TECPR2: variants seen among roughly 807,000 people sequenced by gnomAD.
The protein encoded by TECPR2 is tectonin beta-propeller repeat-containing protein 2.
A neutral mutation model predicts 138.1 loss-of-function variants in TECPR2; 65 were observed. The ratio of observed to expected loss-of-function variants is 0.47; its 90% CI spans 0.39 to 0.58. The LOEUF (loss-of-function observed/expected upper bound fraction) is 0.58. TECPR2 is among the 20% of genes least tolerant of loss of function. TECPR2 has a pLI of 0.00. For synonymous variants in TECPR2, 746 were observed against 749.8 expected (o/e 0.99, Z 0.08); for missense variants, 1,553 against 1,824.5 (o/e 0.85, Z 2.71).
intron 1 of TECPR2, among the ~76,000 whole-genome samples, chr14:102,369,482 G>A (rs116118695): frequency 0.01 from 1,581 of 152,148 alleles, 29 homozygotes; most frequent in African/African-American, 0.036. Flanking sequence ...TCGAACTCCC[G>A]GGCTCAATGG....
At chr14:102,438,241 C>G (rs1889732646) in intron 10 of TECPR2, 36 bp downstream of exon 10, 1 of 1,576,960 alleles carries the variant, frequency 6.3e-7, no homozygotes, top group South Asian at 1.1e-5. Flanking sequence ...GCTCCCTGCT[C>G]CCGCTCGCCG....
intron 5 of TECPR2, among the ~76,000 whole-genome samples, chr14:102,418,268 C>A (rs1407586322): frequency 6.6e-6 from 1 of 152,216 alleles, no homozygotes; most frequent in African/African-American, 2.4e-5. Context: ...CAAGCCTCTG[C>A]CCTGCTCCAG....
At chr14:102,429,991 G>C (rs1033965436) in intron 7 of TECPR2, among the ~76,000 whole-genome samples, 1 of 152,016 alleles carries the variant, frequency 6.6e-6, no homozygotes, top group Non-Finnish European at 1.5e-5. Flanking sequence ...TTTTGAGACA[G>C]AGTCTTGCTC....
chr14:102,398,982 G>A lies in TECPR2; in HGVS notation c.220-8356G>A, dbSNP rs544217229. Among the ~76,000 whole-genome samples the A allele has an allele frequency of 4.6e-5, 7 of 152,296 alleles. No individual in the cohort carries two copies. The East Asian group carries it at 7.7e-4, about 17-fold the overall frequency. On this transcript the variant is annotated intron_variant, in intron 2 of 19. Coordinates refer to ENST00000359520, the MANE Select transcript of TECPR2 (RefSeq NM_014844.5). ...ATTTCTCATCAAAAACTTTGGAGGG[G>A]TCAGGTGCAGTGGCTCACATCCATA...
intron 14 of TECPR2, 21 bp from the exon 15 acceptor site, chr14:102,450,539 C>A: frequency 6.2e-7 from 1 of 1,612,460 alleles, no homozygotes; most frequent in Non-Finnish European, 8.5e-7. Flanking sequence ...TTAACACATT[C>A]TTCCTATTTA....
intron 5 of TECPR2, among the ~76,000 whole-genome samples, chr14:102,418,733 C>T (rs1231860751): frequency 6.6e-6 from 1 of 152,138 alleles, no homozygotes; most frequent in African/African-American, 2.4e-5. Context: ...GGCAGCTCAG[C>T]AGGGCCAGCA....
At chr14:102,472,971 T>C (rs1431830492) in intron 17 of TECPR2, among the ~76,000 whole-genome samples, 1 of 152,268 alleles carries the variant, frequency 6.6e-6, no homozygotes, top group African/African-American at 2.4e-5. Flanking sequence ...GGCGCTCGCC[T>C]TGTGCCAGGC....
At chr14:102,385,174 G>A (rs897851437) in intron 2 of TECPR2, among the ~76,000 whole-genome samples, 31 of 151,884 alleles carry the variant, frequency 2.0e-4, no homozygotes, top group African/African-American at 6.3e-4. Context: ...TTTTAGTATG[G>A]AGTGCTTCAC....
chr14:102,406,166 C>T (rs1276443789), intron 2 of TECPR2, among the ~76,000 whole-genome samples: 1 of 152,126 alleles, frequency 6.6e-6, no homozygotes, highest in East Asian at 1.9e-4. Context: ...GATTGAAGAG[C>T]ATTATGAATG....
intron 4 of TECPR2, 28 bp downstream of exon 4, chr14:102,408,647 G>T (rs746521491): frequency 2.0e-5 from 32 of 1,571,198 alleles, no homozygotes; most frequent in Non-Finnish European, 2.6e-5. Context: ...AATACTGTTG[G>T]CTCTTACCTT....
At chr14:102,394,466 G>A (rs1427644383) in intron 2 of TECPR2, among the ~76,000 whole-genome samples, 1 of 152,126 alleles carries the variant, frequency 6.6e-6, no homozygotes, top group Non-Finnish European at 1.5e-5. Flanking sequence ...GCTGGGTGTG[G>A]TGGCACACAC....
At chr14:102,398,098 AGAAAG>A (rs1424063811) in intron 2 of TECPR2, among the ~76,000 whole-genome samples, 7 of 140,884 alleles carry the variant, frequency 5.0e-5, no homozygotes, top group Admixed American at 2.8e-4. Context: ...AAAAGAAAAA[AGAAAG>A]AAAAGAAAAA....
At position 102,408,508 on chromosome 14, in the gene TECPR2, T is replaced by C; in HGVS notation, c.369T>C (p.Thr123=). Residue 123 remains threonine, a synonymous_variant, in exon 4 of 20, where the codon ACT becomes ACC. Coordinates refer to ENST00000359520, the MANE Select transcript of TECPR2 (RefSeq NM_014844.5). ...RNKQLRRFDV[T]GIHKNSITAL... is the part of the protein sequence containing the mutation. ...CATAGCTTCGGAGATTTGATGTCACTGGTATTCACAAAAATAGCATTACAG... is the reference window on the plus strand; with the variant it reads ...CATAGCTTCGGAGATTTGATGTCACCGGTATTCACAAAAATAGCATTACAG... 15 of 1,608,664 alleles carry C rather than the reference T, an allele frequency of 9.3e-6. No homozygotes were observed. The highest frequency in any genetic ancestry group is 1.3e-5 in the Non-Finnish European group (15 of 1,178,690).
intron 2 of TECPR2, among the ~76,000 whole-genome samples, chr14:102,403,397 A>G (rs1255460488): frequency 6.6e-6 from 1 of 152,240 alleles, no homozygotes; most frequent in Non-Finnish European, 1.5e-5. Context: ...TAAAAGCCAT[A>G]TATGAAAAAC....
intron 2 of TECPR2, among the ~76,000 whole-genome samples, chr14:102,405,696 A>G (rs1888639885): frequency 6.6e-6 from 1 of 152,220 alleles, no homozygotes; most frequent in South Asian, 2.1e-4. Context: ...AGATAATTGA[A>G]AGCAGTATCT....
In TECPR2 at chr14:102,441,456, C is replaced by G. The variant is rs897447233; in HGVS notation, c.2752+847C>G. Among the ~76,000 whole-genome samples the G allele has an allele frequency of 2.7e-5, 4 of 149,930 alleles. No individual in the cohort carries two copies. The East Asian group carries it at 8.1e-4, about 30-fold the overall frequency. ...CTTTGGGAGGCCTAGACGAGCAGATCACCTGAGGTCAGGAGTTCAAGACCA... is the reference window on the plus strand; with the variant it reads ...CTTTGGGAGGCCTAGACGAGCAGATGACCTGAGGTCAGGAGTTCAAGACCA... On this transcript the variant is annotated intron_variant, in intron 11 of 19. Transcript: ENST00000359520.
intron 6 of TECPR2, 113 bp from the exon 7 acceptor site, chr14:102,428,137 T>G: frequency 7.6e-7 from 1 of 1,308,952 alleles, no homozygotes; most frequent in Non-Finnish European, 1.0e-6. Flanking sequence ...CATAGTAAAG[T>G]GCAGTTATCA....
chr14:102,455,823 G>C (rs955624142), intron 16 of TECPR2, among the ~76,000 whole-genome samples: 33 of 152,318 alleles, frequency 2.2e-4, no homozygotes, highest in Non-Finnish European at 4.4e-4. Context: ...ATGTTGGCCA[G>C]TCTGGTCCTG....
intron 5 of TECPR2, among the ~76,000 whole-genome samples, chr14:102,421,951 A>C (rs1180758079): frequency 6.6e-6 from 1 of 152,206 alleles, no homozygotes; most frequent in Non-Finnish European, 1.5e-5. Context: ...TCAGCCAGGC[A>C]TAGGGCTGAA....
Sources: allele counts gnomAD v4.1 joint callset (sites outside exome capture counted in the v4.1 genomes callset), GRCh38; gene constraint gnomAD v4.1.1; transcripts MANE v1.5; gene names NCBI Gene and HGNC (gene_info 2026-07-23, HGNC 2026-07-21).